Variants in WARS2 observed in about 807,000 individuals in gnomAD.
WARS2 encodes tryptophan--tRNA ligase, mitochondrial.
In WARS2, 28 loss-of-function variants were observed where a neutral mutation model predicts 36.5. That is an observed-to-expected ratio of 0.77 (90% confidence interval 0.57 to 1.05). The LOEUF is 1.05. WARS2 is among the 50% of genes least tolerant of loss of function. The pLI is 0.00. For synonymous variants in WARS2, 174 were observed against 178.4 expected, an observed-to-expected ratio of 0.98 and a Z score of 0.20; for missense variants, 435 against 456.8, an observed-to-expected ratio of 0.95 and a Z score of 0.44.
At chr1:119,085,879 C>T in intron 1 of WARS2, 1 of 1,610,560 alleles carries the variant, frequency 6.2e-7, no homozygotes, top group South Asian at 1.1e-5. Context: ...TGCCAGGACA[C>T]CTTATCGGCC....
chr1:119,090,426 T>G (rs1557973590), intron 1 of WARS2, among the ~76,000 whole-genome samples: 4 of 152,196 alleles, frequency 2.6e-5, no homozygotes, highest in South Asian at 4.1e-4. Context: ...TATAGACATT[T>G]GTTAAATAGA....
At chr1:119,074,345 A>G (rs1359499665) in intron 2 of WARS2, among the ~76,000 whole-genome samples, 1 of 152,242 alleles carries the variant, frequency 6.6e-6, no homozygotes, top group Non-Finnish European at 1.5e-5. Context: ...AATGGTACAT[A>G]ATAAATGTCT....
chr1:119,123,348 G>A (rs989047658), intron 1 of WARS2, among the ~76,000 whole-genome samples: 1 of 152,210 alleles, frequency 6.6e-6, no homozygotes, highest in Non-Finnish European at 1.5e-5. Flanking sequence ...GGATCTTTGG[G>A]TAATGATAGC....
intron 4 of WARS2, among the ~76,000 whole-genome samples, chr1:119,037,111 T>A (rs926192910): frequency 6.6e-6 from 1 of 152,198 alleles, no homozygotes; most frequent in Non-Finnish European, 1.5e-5. Context: ...CATAATGATA[T>A]CCCTTTTAAT....
chr1:119,099,032 C>T (rs1038924193), intron 1 of WARS2, among the ~76,000 whole-genome samples: 12 of 152,138 alleles, frequency 7.9e-5, no homozygotes, highest in Non-Finnish European at 1.2e-4. Context: ...CCACCATGCC[C>T]GGCCCTGATA....
chr1:119,038,537 ACT>A (rs751056435), intron 4 of WARS2, among the ~76,000 whole-genome samples: 16 of 151,728 alleles, frequency 1.1e-4, no homozygotes, highest in Non-Finnish European at 1.9e-4. Context: ...CTCTTCTCTG[ACT>A]CTACCAGTCT....
chr1:119,055,309 G>T (rs1236572494), intron 2 of WARS2, among the ~76,000 whole-genome samples: 1 of 152,046 alleles, frequency 6.6e-6, no homozygotes, highest in Non-Finnish European at 1.5e-5. Flanking sequence ...AAACGAAATG[G>T]CTAGAAAAAA....
intron 1 of WARS2, among the ~76,000 whole-genome samples, chr1:119,121,228 T>C (rs1053677839): frequency 3.9e-5 from 6 of 152,106 alleles, no homozygotes; most frequent in Admixed American, 1.3e-4. Context: ...CATAAATCAG[T>C]AGCACTGCTA....
At chr1:119,117,252 C>T (rs1427183687) in intron 1 of WARS2, among the ~76,000 whole-genome samples, 1 of 152,118 alleles carries the variant, frequency 6.6e-6, no homozygotes, top group East Asian at 1.9e-4. Flanking sequence ...ACCCCTCCAT[C>T]CCCCATAGTG....
chr1:119,086,044 G>C, intron 1 of WARS2: 4 of 1,376,856 alleles, frequency 2.9e-6, no homozygotes, highest in Non-Finnish European at 4.0e-6. Flanking sequence ...ATTTCTCGTA[G>C]AGGCAAGGTC....
Position 119,066,278 on chromosome 1 carries a change from A to G in WARS2, c.348+10072T>C, listed in dbSNP as rs1375957013. Among the ~76,000 whole-genome samples the G allele has an allele frequency of 4.7e-5, 7 of 150,414 alleles. No individual in the cohort carries two copies. In the South Asian group the frequency reaches 8.4e-4, roughly 18 times the overall value. On this transcript the variant is annotated intron_variant, in intron 2 of 5. Transcript: ENST00000235521. Reference sequence around the variant, plus strand: ...GGATCACAAGGTCAGGAGATCGAGAACCATCCTGGCTAATACGGTGAAACC... The same window carrying G: ...GGATCACAAGGTCAGGAGATCGAGAGCCATCCTGGCTAATACGGTGAAACC...
At chr1:119,112,030 C>A (rs587601982) in intron 1 of WARS2, among the ~76,000 whole-genome samples, 176 of 152,082 alleles carry the variant, frequency 1.2e-3, no homozygotes, top group Non-Finnish European at 1.9e-3. Flanking sequence ...TCAAGCGATT[C>A]TCCTACCTCA....
intron 2 of WARS2, among the ~76,000 whole-genome samples, chr1:119,057,088 T>C (rs185868624): frequency 1.3e-5 from 2 of 152,294 alleles, no homozygotes. Flanking sequence ...TATCTTACTA[T>C]GGTTTTTTTT....
chr1:119,062,475 A>G (rs1005983791), intron 2 of WARS2, among the ~76,000 whole-genome samples: 4 of 152,016 alleles, frequency 2.6e-5, no homozygotes, highest in African/African-American at 9.7e-5. Context: ...ATAAAAAAAA[A>G]AGGACTTTTA....
chr1:119,100,620 A>C (rs1177592067), intron 1 of WARS2, among the ~76,000 whole-genome samples: 1 of 152,190 alleles, frequency 6.6e-6, no homozygotes, highest in Non-Finnish European at 1.5e-5. Context: ...TTAGAAAATA[A>C]AATAAAATCC....
rs746853186 is a variant in WARS2, at chr1:119,034,181, A to G, written c.548T>C (p.Val183Ala). The G allele has an allele frequency of 6.2e-7, 1 of 1,614,062 alleles. No individual in the cohort carries two copies. The highest frequency in any genetic ancestry group is 8.5e-7 in the Non-Finnish European group (1 of 1,179,926). Reference sequence around the variant, plus strand: ...ATCCTGAACTAGTTCCATGTGCTGGACTTGATCCTCCCCAACAGGAACGTG... The same window carrying G: ...ATCCTGAACTAGTTCCATGTGCTGGGCTTGATCCTCCCCAACAGGAACGTG... ...STHVPVGEDQ[V>A]QHMELVQDLA... Residue 183 changes from valine to alanine, a missense_variant, in exon 5 of 6, where the codon GTC (valine) becomes GCC (alanine). Physicochemically the swap from Val to Ala is moderately conservative, Grantham distance 64 (BLOSUM62 0). Coordinates refer to ENST00000235521, the MANE Select transcript of WARS2 (RefSeq NM_015836.4).
At chr1:119,098,280 C>T (rs929569679) in intron 1 of WARS2, among the ~76,000 whole-genome samples, 4 of 151,978 alleles carry the variant, frequency 2.6e-5, no homozygotes, top group African/African-American at 4.8e-5. Context: ...ACCCCTAATA[C>T]ATTAAATTTA....
chr1:119,108,787 A>G (rs1163567795), intron 1 of WARS2, among the ~76,000 whole-genome samples: 1 of 151,892 alleles, frequency 6.6e-6, no homozygotes, highest in Non-Finnish European at 1.5e-5. Context: ...TTGCTAGTTT[A>G]CTATCTAAGG....
intron 1 of WARS2, among the ~76,000 whole-genome samples, chr1:119,103,309 C>T (rs1459946031): frequency 6.6e-5 from 10 of 152,134 alleles, no homozygotes; most frequent in Non-Finnish European, 7.4e-5. Context: ...CCTCAACTTG[C>T]TCTTCCCTCA....
Sources: allele counts gnomAD v4.1 joint callset (sites outside exome capture counted in the v4.1 genomes callset), GRCh38; gene constraint gnomAD v4.1.1; transcripts MANE v1.5; gene names NCBI Gene and HGNC (gene_info 2026-07-23, HGNC 2026-07-21).